Variants in BRINP3 observed in about 807,000 individuals in gnomAD.
BRINP3 encodes BMP/retinoic acid inducible neural specific 3.
Under a neutral mutation model 71.0 loss-of-function variants are expected in BRINP3, and 19 were observed. That is an observed-to-expected ratio of 0.27 (90% CI 0.19 to 0.39). BRINP3 has a LOEUF of 0.39. Among genes scored for constraint, BRINP3 ranks in the 10% least tolerant of loss-of-function variants. BRINP3 has a pLI of 1.00. For synonymous variants in BRINP3, 380 were observed against 337.7 expected (o/e 1.13, Z -1.37); for missense variants, 959 against 940.8 (o/e 1.02, Z -0.25).
chr1:190,235,749 T>C (rs1311829992), intron 4 of BRINP3, among the ~76,000 whole-genome samples: 3 of 152,028 alleles, frequency 2.0e-5, no homozygotes, highest in Non-Finnish European at 4.4e-5. Context: ...AATTTCATTC[T>C]CTTGGGACTA....
rs912213183 is a variant in BRINP3, at chr1:190,134,299, T to A, written c.1184+26369A>T. On this transcript the variant is annotated intron_variant, in intron 7 of 7. Coordinates refer to ENST00000367462, the MANE Select transcript of BRINP3 (RefSeq NM_199051.3). ...GTGTTCCAGGTAGAGTGCAGATGCC[T>A]CGGCTTGGCAAGACAGGGATAACAA... Among the ~76,000 whole-genome samples the A allele has an allele frequency of 5.3e-5, 8 of 152,056 alleles. No individual in the cohort carries two copies. In the South Asian group the frequency reaches 1.2e-3, roughly 24 times the overall value.
At chr1:190,209,038 C>T (rs902420481) in intron 6 of BRINP3, among the ~76,000 whole-genome samples, 3 of 151,962 alleles carry the variant, frequency 2.0e-5, no homozygotes, top group Non-Finnish European at 4.4e-5. Flanking sequence ...TTATATTATG[C>T]AATTGGAAAA....
At chr1:190,351,700 T>C (rs924817656) in intron 2 of BRINP3, among the ~76,000 whole-genome samples, 1 of 152,136 alleles carries the variant, frequency 6.6e-6, no homozygotes, top group Non-Finnish European at 1.5e-5. Flanking sequence ...ATGTAGGCTA[T>C]CATAGATTCA....
chr1:190,380,730 A>G (rs1224360832), intron 2 of BRINP3, among the ~76,000 whole-genome samples: 6 of 152,172 alleles, frequency 3.9e-5, no homozygotes, highest in African/African-American at 1.4e-4. Flanking sequence ...CAGGGTTTTT[A>G]GATTCACCAT....
At chr1:190,381,025 C>T (rs974517596) in intron 2 of BRINP3, among the ~76,000 whole-genome samples, 1 of 152,064 alleles carries the variant, frequency 6.6e-6, no homozygotes, top group African/African-American at 2.4e-5. Context: ...TAGATGACTT[C>T]TTCAAGGTTA....
intron 2 of BRINP3, among the ~76,000 whole-genome samples, chr1:190,398,898 A>G (rs1282690678): frequency 6.6e-6 from 1 of 151,978 alleles, no homozygotes; most frequent in Non-Finnish European, 1.5e-5. Flanking sequence ...CAATTTTAAG[A>G]AGCTTTTTTG....
At chr1:190,323,418 T>G (rs1230541012) in intron 2 of BRINP3, among the ~76,000 whole-genome samples, 1 of 151,854 alleles carries the variant, frequency 6.6e-6, no homozygotes, top group East Asian at 1.9e-4. Flanking sequence ...AAGGAGATGA[T>G]CATTAAGAAT....
At chr1:190,282,392 T>G (rs1663107096) in intron 2 of BRINP3, among the ~76,000 whole-genome samples, 1 of 151,928 alleles carries the variant, frequency 6.6e-6, no homozygotes, top group Admixed American at 6.6e-5. Flanking sequence ...GATTTATACA[T>G]TTTTTAAAGA....
At chr1:190,359,558 T>A (rs1449754079) in intron 2 of BRINP3, among the ~76,000 whole-genome samples, 2 of 152,088 alleles carry the variant, frequency 1.3e-5, no homozygotes, top group East Asian at 3.9e-4. Flanking sequence ...CACAGGAGAT[T>A]GGGTCCAGCC....
At chr1:190,283,715 T>G (rs1387116497) in intron 2 of BRINP3, among the ~76,000 whole-genome samples, 3 of 150,476 alleles carry the variant, frequency 2.0e-5, no homozygotes, top group Admixed American at 6.7e-5. Context: ...AATCAAATAT[T>G]TAAGTCCTAA....
chr1:190,126,648 T>C (rs1654110509), intron 7 of BRINP3, among the ~76,000 whole-genome samples: 1 of 151,892 alleles, frequency 6.6e-6, no homozygotes, highest in Non-Finnish European at 1.5e-5. Context: ...GCTGGCCACA[T>C]CTTTCATTGT....
chr1:190,200,691 G>A (rs544897698), intron 6 of BRINP3, among the ~76,000 whole-genome samples: 23 of 152,142 alleles, frequency 1.5e-4, no homozygotes, highest in Non-Finnish European at 2.5e-4. Flanking sequence ...GGAGGGGCCC[G>A]GTAGGAGATG....
chr1:190,264,820 A>T, intron 4 of BRINP3, 45 bp downstream of exon 4: 1 of 1,555,578 alleles, frequency 6.4e-7, no homozygotes, highest in African/African-American at 1.4e-5. Flanking sequence ...ATATAGAGGA[A>T]ACAAACAATG....
intron 2 of BRINP3, among the ~76,000 whole-genome samples, chr1:190,400,378 G>C (rs17377331): frequency 0.065 from 9,954 of 152,060 alleles, 407 homozygotes; most frequent in Non-Finnish European, 0.095. Flanking sequence ...AAAAATTGTC[G>C]AGTTAGGCAA....
At chr1:190,223,552 A>AC (rs1657069432) in intron 6 of BRINP3, among the ~76,000 whole-genome samples, 1 of 151,928 alleles carries the variant, frequency 6.6e-6, no homozygotes, top group Non-Finnish European at 1.5e-5. Flanking sequence ...CACAGTTAAC[A>AC]CTGTGCTGAA....
At chr1:190,158,722 C>CA (rs2102451264) in intron 7 of BRINP3, among the ~76,000 whole-genome samples, 1 of 150,622 alleles carries the variant, frequency 6.6e-6, no homozygotes, top group South Asian at 2.1e-4. Flanking sequence ...ACATTAAACA[C>CA]ACAGCAAAGA....
chr1:190,378,510 A>C (rs1670322287), intron 2 of BRINP3, among the ~76,000 whole-genome samples: 1 of 152,214 alleles, frequency 6.6e-6, no homozygotes, highest in Admixed American at 6.6e-5. Flanking sequence ...GAAATAGTGT[A>C]TTCCTTTGGG....
At chr1:190,347,721 C>T (rs1443079935) in intron 2 of BRINP3, among the ~76,000 whole-genome samples, 1 of 151,974 alleles carries the variant, frequency 6.6e-6, no homozygotes, top group Non-Finnish European at 1.5e-5. Context: ...ATTTTTTTCT[C>T]CAGTAAACAT....
At chr1:190,411,944 C>A (rs568307419) in intron 2 of BRINP3, among the ~76,000 whole-genome samples, 1 of 152,220 alleles carries the variant, frequency 6.6e-6, no homozygotes, top group African/African-American at 2.4e-5. Context: ...AAATCGACGA[C>A]TGAAATTCTG....
Sources: allele counts gnomAD v4.1 joint callset (sites outside exome capture counted in the v4.1 genomes callset), GRCh38; gene constraint gnomAD v4.1.1; transcripts MANE v1.5; gene names NCBI Gene and HGNC (gene_info 2026-07-23, HGNC 2026-07-21).